NCOA3: variants seen among roughly 807,000 people sequenced by gnomAD.
NCOA3 encodes CBP-interacting protein.
In NCOA3, 51 loss-of-function variants were observed where a neutral mutation model predicts 158.8. The ratio of observed to expected loss-of-function variants is 0.32; its 90% CI spans 0.26 to 0.41. NCOA3 has a LOEUF of 0.41. NCOA3 is among the 10% of genes least tolerant of loss of function. The probability of loss-of-function intolerance (pLI) is 1.00; values close to 1 mark genes in which losing one functional copy is unlikely to be tolerated. For missense variants in NCOA3, 1,510 were observed against 1,746.6 expected, an observed-to-expected ratio of 0.86 and a Z score of 2.41; for synonymous variants, 537 against 592.4, an observed-to-expected ratio of 0.91 and a Z score of 1.36.
chr20:47,524,754 A>T (rs747027886), intron 1 of NCOA3, among the ~76,000 whole-genome samples: 11 of 151,752 alleles, frequency 7.2e-5, no homozygotes, highest in East Asian at 1.9e-4. Flanking sequence ...ATATATATAT[A>T]TTTTTTGAGA....
intron 1 of NCOA3, among the ~76,000 whole-genome samples, chr20:47,550,526 A>G (rs964403373): frequency 6.6e-6 from 1 of 152,050 alleles, no homozygotes; most frequent in African/African-American, 2.4e-5. Flanking sequence ...TAACAAGTGA[A>G]TGACTCTCAA....
At chr20:47,565,920 C>G (rs900658591) in intron 1 of NCOA3, among the ~76,000 whole-genome samples, 1 of 152,176 alleles carries the variant, frequency 6.6e-6, no homozygotes. Context: ...CTTTCATTGA[C>G]ACCATTAAAC....
intron 1 of NCOA3, among the ~76,000 whole-genome samples, chr20:47,537,033 A>G (rs1568663731): frequency 6.8e-6 from 1 of 146,964 alleles, no homozygotes; most frequent in Non-Finnish European, 1.5e-5. Context: ...CTGGTCTCAA[A>G]CTCCTGACCT....
At chr20:47,628,108 A>C in intron 8 of NCOA3, 85 bp downstream of exon 8, 1 of 898,826 alleles carries the variant, frequency 1.1e-6, no homozygotes, top group South Asian at 1.5e-5. Flanking sequence ...TACTATTTTT[A>C]ATCTGTACTA....
At chr20:47,532,543 G>T (rs548248654) in intron 1 of NCOA3, among the ~76,000 whole-genome samples, 5 of 152,110 alleles carry the variant, frequency 3.3e-5, no homozygotes, top group Non-Finnish European at 7.4e-5. Flanking sequence ...TCATTATATT[G>T]CCCAGGCCCA....
At chr20:47,598,204 G>T (rs998902326) in intron 2 of NCOA3, among the ~76,000 whole-genome samples, 4 of 126,952 alleles carry the variant, frequency 3.2e-5, no homozygotes, top group African/African-American at 1.2e-4. Context: ...CCAAGATCAC[G>T]CCACTGCACT....
intron 8 of NCOA3, among the ~76,000 whole-genome samples, chr20:47,629,331 C>A (rs1037697867): frequency 3.5e-5 from 5 of 142,934 alleles, no homozygotes; most frequent in African/African-American, 1.0e-4. Context: ...ATGGATGTTA[C>A]TTTTTTTTTT....
chr20:47,571,814 G>C (rs543673718), intron 1 of NCOA3, among the ~76,000 whole-genome samples: 1 of 151,744 alleles, frequency 6.6e-6, no homozygotes, highest in Non-Finnish European at 1.5e-5. Context: ...TGCAACCTCT[G>C]CCTCCAGGCT....
At chr20:47,558,232 A>ATTTTTTTTTTTTTTTTTTTTT (rs71183263) in intron 1 of NCOA3, among the ~76,000 whole-genome samples, 1 of 55,536 alleles carries the variant, frequency 1.8e-5, no homozygotes, top group Admixed American at 2.6e-4. Context: ...CTAATTTTGT[A>ATTTTTTTTTTTTTTTTTTTTT]TTTTTTTTTT....
chr20:47,622,157 T>C (rs758474559), intron 2 of NCOA3, 72 bp from the exon 3 acceptor site: 85 of 738,608 alleles, frequency 1.2e-4, no homozygotes, highest in Non-Finnish European at 1.8e-4. Flanking sequence ...AGTCATTCAG[T>C]CATATAACAC....
chr20:47,539,079 G>T (rs1300480303), intron 1 of NCOA3, among the ~76,000 whole-genome samples: 1 of 152,104 alleles, frequency 6.6e-6, no homozygotes, highest in African/African-American at 2.4e-5. Context: ...ATCTTTCTTG[G>T]GTTGCTTAGC....
chr20:47,656,698 T>C lies in NCOA3; in HGVS notation c.*3281T>C, dbSNP rs989075568. ...AATTCTCAGGAATTGACTTATACTC[T>C]TGAGAATGAATTCAGTTTCAATCAA... On this transcript the variant is annotated 3_prime_UTR_variant, in exon 23 of 23. Transcript: ENST00000371998. 1 of 152,694 alleles carries C rather than the reference T, an allele frequency of 6.5e-6. No individual in the cohort carries two copies. The highest frequency in any genetic ancestry group is 1.9e-4 in the East Asian group (1 of 5,186). The allele number at this position is 152,694 out of a possible 1,614,324, so 9.5% of individuals were successfully genotyped here. A position where few individuals can be genotyped will look rare whatever the true frequency, so the allele number is the denominator to read the frequency against.
rs1347041223 is a variant in NCOA3, at chr20:47,636,739, A to G, written c.2353A>G (p.Ile785Val). Reference protein sequence around the residue: ...PSSSQEKDPKIKTETSEEGSG... With the variant: ...PSSSQEKDPKVKTETSEEGSG... ...CTCAAGTCAAGAGAAAGACCCTAAAATTAAGACAGAGACAAGTGAAGAGGT... is the reference window on the plus strand; with the variant it reads ...CTCAAGTCAAGAGAAAGACCCTAAAGTTAAGACAGAGACAAGTGAAGAGGT... The change falls in exon 12 of 23, where the codon ATT becomes GTT. Residue 785 changes from isoleucine to valine, a missense_variant. Physicochemically the swap from Ile to Val is conservative, Grantham distance 29. Around this residue, in one of 4 missense-constraint regions of NCOA3, gnomAD observed 1,017 missense variants for 1,098.3 expected, o/e 0.93. Coordinates refer to ENST00000371998, the MANE Select transcript of NCOA3 (RefSeq NM_181659.3). 1.2e-6 allele frequency: 2 copies of G among 1,610,528 alleles called. No individual in the cohort carries two copies. Among genetic ancestry groups the G allele is most frequent in the South Asian group, 1.1e-5 (1 of 90,890 alleles).
chr20:47,588,731 A>G (rs2085577168), intron 2 of NCOA3, among the ~76,000 whole-genome samples: 1 of 151,466 alleles, frequency 6.6e-6, no homozygotes, highest in African/African-American at 2.4e-5. Context: ...TGTTTTATTT[A>G]TTTATTTATA....
chr20:47,569,462 C>G (rs2085255358), intron 1 of NCOA3, among the ~76,000 whole-genome samples: 2 of 151,648 alleles, frequency 1.3e-5, no homozygotes, highest in Non-Finnish European at 2.9e-5. Context: ...GGTGAATCAC[C>G]TGAGGTCAGG....
At chr20:47,571,964 G>C (rs1047946208) in intron 1 of NCOA3, among the ~76,000 whole-genome samples, 2 of 152,222 alleles carry the variant, frequency 1.3e-5, no homozygotes, top group African/African-American at 2.4e-5. Context: ...CTGGACTCAA[G>C]TGATCTGCCT....
At chr20:47,637,304 CTT>C (rs2086530622) in intron 12 of NCOA3, among the ~76,000 whole-genome samples, 1 of 152,168 alleles carries the variant, frequency 6.6e-6, no homozygotes, top group African/African-American at 2.4e-5. Flanking sequence ...ATTAATCACA[CTT>C]ATTTTCAGAA....
At chr20:47,612,273 T>A (rs976892284) in intron 2 of NCOA3, among the ~76,000 whole-genome samples, 6 of 149,990 alleles carry the variant, frequency 4.0e-5, no homozygotes, top group East Asian at 1.9e-4. Context: ...AAAAAAAAAA[T>A]TTGTAAAAAA....
intron 1 of NCOA3, among the ~76,000 whole-genome samples, chr20:47,570,031 A>G (rs897740456): frequency 1.3e-5 from 2 of 150,412 alleles, no homozygotes. Context: ...CAAAAAAAAA[A>G]CCCTGCGGCT....
Sources: gnomAD v4.1 joint callset for allele counts (sites outside exome capture counted in the v4.1 genomes callset) on GRCh38, gnomAD v4.1.1 for gene constraint, gnomAD v4.1.1 regional missense constraint, MANE v1.5 for transcripts, NCBI Gene and HGNC (gene_info 2026-07-23, HGNC 2026-07-21) for gene names.